SCYL3: variants seen among roughly 807,000 people sequenced by gnomAD.
SCYL3 encodes the protein SCY1 like pseudokinase 3.
In SCYL3, 35 loss-of-function variants were observed where a neutral mutation model predicts 73.8. The observed-to-expected ratio is 0.47, with a 90% CI of 0.36 to 0.63. The LOEUF (loss-of-function observed/expected upper bound fraction) is 0.63. SCYL3 is among the 20% of genes least tolerant of loss of function. SCYL3 has a pLI of 0.00. For missense variants in SCYL3, 712 were observed against 798.9 expected, an observed-to-expected ratio of 0.89 and a Z score of 1.31; for synonymous variants, 277 against 295.2, an observed-to-expected ratio of 0.94 and a Z score of 0.63.
At chr1:169,890,495 C>T (rs533921256) in intron 1 of SCYL3, among the ~76,000 whole-genome samples, 6 of 152,184 alleles carry the variant, frequency 3.9e-5, no homozygotes, top group African/African-American at 1.4e-4. Context: ...ACACATTGAC[C>T]CTCTACTTGG....
At position 169,862,594 on chromosome 1, in the gene SCYL3, T is replaced by C. The variant is rs1460434430; in HGVS notation, c.1140+19A>G. ...CCCTCAGGTTCTGTGACTACCCCAC[T>C]GCAAACTTGGCCTCTGACCTGTGGC... On this transcript the variant is annotated intron_variant, in intron 10 of 12. Coordinates refer to ENST00000367771, the MANE Select transcript of SCYL3 (RefSeq NM_020423.7). 6.2e-7 allele frequency: 1 copy of C among 1,613,290 alleles called. No individual in the cohort carries two copies. Among genetic ancestry groups the C allele is most frequent in the Non-Finnish European group, 8.5e-7 (1 of 1,179,320 alleles).
chr1:169,851,080 G>A lies in SCYL3; in HGVS notation c.*2633C>T. Reference sequence around the variant, plus strand: ...TTTTTTTTTTTTTTTTTTTGGCATGGCTTTTTTATTCTCTTTGCAGCCAAG... The same window carrying A: ...TTTTTTTTTTTTTTTTTTTGGCATGACTTTTTTATTCTCTTTGCAGCCAAG... On this transcript the variant is annotated 3_prime_UTR_variant, in exon 13 of 13. Transcript: ENST00000367771. 1.8e-5 allele frequency: 1 copy of A among 55,986 alleles called. No homozygotes were observed. The highest frequency in any genetic ancestry group is 9.2e-5 in the African/African-American group (1 of 10,876). 3.5% of individuals were successfully genotyped at this position (55,986 alleles called of 1,614,324 possible).
Position 169,851,901 on chromosome 1 carries a change from G to A in SCYL3, c.*1812C>T. 6.2e-7 allele frequency: 1 copy of A among 1,614,056 alleles called. No homozygotes were observed. Among genetic ancestry groups the A allele is most frequent in the Non-Finnish European group, 8.5e-7 (1 of 1,179,956 alleles). On this transcript the variant is annotated 3_prime_UTR_variant, in exon 13 of 13. Coordinates refer to ENST00000367771, the MANE Select transcript of SCYL3 (RefSeq NM_020423.7). ...TATTTTCTGGGAACCCTTTGCTAAT[G>A]TGACTGTAGAAGAAGCAAAGAGGTC...
chr1:169,854,136 C>A, intron 12 of SCYL3, 134 bp downstream of exon 12: 2 of 687,802 alleles, frequency 2.9e-6, no homozygotes, highest in South Asian at 2.1e-5. Flanking sequence ...ATGATAGAAA[C>A]TGATTTTGTT....
rs537055846 is a variant in SCYL3, at chr1:169,881,210, C to A, written c.166-2391G>T. On this transcript the variant is annotated intron_variant, in intron 2 of 12. Coordinates refer to ENST00000367771, the MANE Select transcript of SCYL3 (RefSeq NM_020423.7). ...AGGGATAGGAGGCTGAAGATACCTA[C>A]ATTACAAGGCTTCTACGTTTTATGT... 5.3e-5 allele frequency among the ~76,000 whole-genome samples: 8 copies of A among 152,302 alleles called. No individual in the cohort carries two copies. In the East Asian group the frequency reaches 1.2e-3, roughly 22 times the overall value.
At chr1:169,870,441 T>C in intron 5 of SCYL3, 84 bp from the exon 6 acceptor site, 1 of 831,634 alleles carries the variant, frequency 1.2e-6, no homozygotes, top group South Asian at 1.5e-5. Context: ...TCTCCCATGT[T>C]TGTATTTATT....
Position 169,878,754 on chromosome 1 carries a change from G to A in SCYL3, c.231C>T (p.Gly77=), listed in dbSNP as rs115808450. The A allele has an allele frequency of 6.9e-4, 1,116 of 1,614,136 alleles. 10 individuals are homozygous for A. In the African/African-American group the frequency reaches 0.012, roughly 17 times the overall value. The change falls in exon 3 of 13, where the codon GGC becomes GGT. Residue 77 remains glycine, a synonymous_variant. Transcript: ENST00000367771. ...GTACTCGCTCAGTGACAAGATGAAT[G>A]CCATCCGCTTCCACAGTACAAGATA... ...RFLSCTVEAD[G]IHLVTERVQP...
intron 11 of SCYL3, among the ~76,000 whole-genome samples, chr1:169,857,276 A>G (rs984012897): frequency 1.3e-5 from 2 of 152,236 alleles, no homozygotes; most frequent in Non-Finnish European, 2.9e-5. Context: ...TTGGCCCAGC[A>G]AGTTTACTTC....
At chr1:169,886,753 T>C (rs1661712784) in intron 2 of SCYL3, among the ~76,000 whole-genome samples, 1 of 152,232 alleles carries the variant, frequency 6.6e-6, no homozygotes, top group African/African-American at 2.4e-5. Flanking sequence ...ATGAATTCAA[T>C]GTAAAATGAG....
At chr1:169,889,683 G>T (rs753957297) in intron 1 of SCYL3, among the ~76,000 whole-genome samples, 1 of 152,184 alleles carries the variant, frequency 6.6e-6, no homozygotes, top group Non-Finnish European at 1.5e-5. Flanking sequence ...CACAGTTAGA[G>T]GGATCAAGGG....
At chr1:169,864,599 C>T (rs1659894477) in intron 8 of SCYL3, 91 bp from the exon 9 acceptor site, 1 of 1,276,030 alleles carries the variant, frequency 7.8e-7, no homozygotes, top group African/African-American at 1.5e-5. Context: ...CTCTCTCTCA[C>T]TTCTATCAAA....
rs1659130245 is a variant in SCYL3, at chr1:169,856,080, GGAGGAGAGAA to G, written c.1313-1126_1313-1117del. The G allele has an allele frequency of 1.8e-5, 15 of 811,350 alleles. No individual in the cohort carries two copies. The Admixed American group carries it at 4.0e-4, about 22-fold the overall frequency. 50.3% of individuals were successfully genotyped at this position (811,350 alleles called of 1,614,324 possible). A position where few individuals can be genotyped will look rare whatever the true frequency, so the allele number is the denominator to read the frequency against. On this transcript the variant is annotated intron_variant, in intron 11 of 12. Coordinates refer to ENST00000367771, the MANE Select transcript of SCYL3 (RefSeq NM_020423.7). ...TTTTTATACATATAAAGGATAAAAT[GGAGGAGAGAA>G]CATCTTCAAACATTTGAAGACATAC...
At chr1:169,871,457 C>G (rs556047446) in intron 5 of SCYL3, among the ~76,000 whole-genome samples, 1 of 152,316 alleles carries the variant, frequency 6.6e-6, no homozygotes, top group African/African-American at 2.4e-5. Flanking sequence ...CCACGTGGAA[C>G]TTTTGTAAAT....
chr1:169,857,009 C>T (rs983939588), intron 11 of SCYL3, among the ~76,000 whole-genome samples: 1 of 152,184 alleles, frequency 6.6e-6, no homozygotes, highest in African/African-American at 2.4e-5. Flanking sequence ...AGTTCATTGT[C>T]TTACTGAAGG....
intron 9 of SCYL3, among the ~76,000 whole-genome samples, chr1:169,863,949 T>C (rs901105913): frequency 2.0e-5 from 3 of 152,176 alleles, no homozygotes; most frequent in Non-Finnish European, 4.4e-5. Flanking sequence ...TCATTTCACA[T>C]TCGTAAAAAA....
At chr1:169,854,230 C>T (rs1408219391) in intron 12 of SCYL3, 40 bp downstream of exon 12, 3 of 1,472,828 alleles carry the variant, frequency 2.0e-6, no homozygotes, top group Admixed American at 4.4e-5. Context: ...GAGGGAAATC[C>T]TAAAGCTAGT....
chr1:169,857,913 T>G lies in SCYL3; in HGVS notation c.1312+1128A>C, dbSNP rs1188611124. On this transcript the variant is annotated intron_variant, in intron 11 of 12. Coordinates refer to ENST00000367771, the MANE Select transcript of SCYL3 (RefSeq NM_020423.7). ...TATAACACAGTGGTAATTATTTGAGTGTCCAAACATAGAAAAGTAAAAATA... is the reference window on the plus strand; with the variant it reads ...TATAACACAGTGGTAATTATTTGAGGGTCCAAACATAGAAAAGTAAAAATA... 5.8e-4 allele frequency among the ~76,000 whole-genome samples: 88 copies of G among 152,182 alleles called. 1 individual carries two copies. Among genetic ancestry groups the G allele is most frequent in the South Asian group, 2.1e-4 (1 of 4,832 alleles).
intron 5 of SCYL3, among the ~76,000 whole-genome samples, chr1:169,873,059 G>A (rs1023387493): frequency 6.6e-6 from 1 of 152,152 alleles, no homozygotes; most frequent in Non-Finnish European, 1.5e-5. Context: ...ATGAGACTGG[G>A]GAGGGGCCAG....
At chr1:169,855,907 A>AGAT (rs765659987) in intron 11 of SCYL3, 1 of 1,613,966 alleles carries the variant, frequency 6.2e-7, no homozygotes, top group Non-Finnish European at 8.5e-7. Flanking sequence ...GGGTTCTCCA[A>AGAT]GATTGGCGAG....
Sources: gnomAD v4.1 joint callset for allele counts (sites outside exome capture counted in the v4.1 genomes callset) on GRCh38, gnomAD v4.1.1 for gene constraint, MANE v1.5 for transcripts, NCBI Gene and HGNC (gene_info 2026-07-23, HGNC 2026-07-21) for gene names.